Variants in C16orf96 observed in about 807,000 individuals in gnomAD.
C16orf96 encodes the protein chromosome 16 open reading frame 96.
In C16orf96, 108 loss-of-function variants were observed where a neutral mutation model predicts 103.6. That is an observed-to-expected ratio of 1.04 (90% CI 0.89 to 1.22). The LOEUF is 1.22. C16orf96 is among the 50% of genes most tolerant of loss of function. The probability of loss-of-function intolerance (pLI) is 0.00; values close to 1 mark genes in which losing one functional copy is unlikely to be tolerated. For missense variants in C16orf96, 1,586 were observed against 1,464.2 expected (o/e 1.08, Z -1.36); for synonymous variants, 566 against 593.5 (o/e 0.95, Z 0.67).
chr16:4,577,505 G>T (rs2059526636), intron 5 of C16orf96, among the ~76,000 whole-genome samples: 1 of 151,930 alleles, frequency 6.6e-6, no homozygotes, highest in Non-Finnish European at 1.5e-5. Context: ...AAAAAAATTA[G>T]CTGGGCATGG....
chr16:4,592,088 G>A (rs1006506832), intron 10 of C16orf96, among the ~76,000 whole-genome samples: 7 of 152,192 alleles, frequency 4.6e-5, no homozygotes, highest in African/African-American at 1.7e-4. Flanking sequence ...TGGGGCTCCT[G>A]TCCTCAGACC....
chr16:4,600,020 A>T, intron 15 of C16orf96, 80 bp from the exon 16 acceptor site: 1 of 1,330,912 alleles, frequency 7.5e-7, no homozygotes, highest in Non-Finnish European at 1.0e-6. Flanking sequence ...TCTTCTCTTT[A>T]GTGGGGATGG....
At chr16:4,541,379 A>G in the C16orf96 span, among the ~76,000 whole-genome samples, 1 of 152,198 alleles carries the variant, frequency 6.6e-6, no homozygotes, top group Non-Finnish European at 1.5e-5. Context: ...TCATTCATGG[A>G]CATAACGATC....
At chr16:4,556,084 A>G (rs1247857526), upstream of C16orf96, among the ~76,000 whole-genome samples, 2 of 152,106 alleles carry the variant, frequency 1.3e-5, no homozygotes, top group Non-Finnish European at 2.9e-5. Context: ...GATTCGAGAA[A>G]ATTCCAAGGA....
At position 4,576,267 on chromosome 16, in the gene C16orf96, T is replaced by A. The variant is rs1468499222; in HGVS notation, c.1787T>A (p.Val596Asp). The change falls in exon 5 of 16, where the codon GTC becomes GAC. Residue 596 changes from valine to aspartate, a missense_variant. Val to Asp is a radical substitution (Grantham distance 152). Transcript: ENST00000444310. Reference protein sequence around the residue: ...AQAAKVAAKFVKDAPATKMAA... With the variant: ...AQAAKVAAKFDKDAPATKMAA... ...GCAGCCAAAGTTGCTGCCAAGTTTG[T>A]CAAGGATGCCCCAGCCACCAAAATG... 4 of 1,550,622 alleles carry A rather than the reference T, an allele frequency of 2.6e-6. No homozygotes were observed. The highest frequency in any genetic ancestry group is 1.4e-5 in the African/African-American group (1 of 73,060).
chr16:4,596,596 C>T (rs1443187983), intron 14 of C16orf96, among the ~76,000 whole-genome samples: 2 of 151,972 alleles, frequency 1.3e-5, no homozygotes, highest in Non-Finnish European at 2.9e-5. Flanking sequence ...GCAGGAGGAT[C>T]GCTTGAGCCC....
rs1897137472 is a variant in C16orf96 at position 4,594,821 on chromosome 16, C to T, written c.3127+18C>T. ...GCTGGCAGGTGAGGGGCGTAGGGCT[C>T]CCTGGGGCACCCTTGCCTGGGGCCC... On this transcript the variant is annotated intron_variant, in intron 14 of 15. Coordinates refer to ENST00000444310, the MANE Select transcript of C16orf96 (RefSeq NM_001145011.2). 6.5e-7 allele frequency: 1 copy of T among 1,547,972 alleles called. No homozygotes were observed. The highest frequency in any genetic ancestry group is 8.7e-7 in the Non-Finnish European group (1 of 1,145,836).
At position 4,600,493 on chromosome 16, in the gene C16orf96, C is replaced by CT. The variant is rs1555441337; in HGVS notation, c.*176_*177insT. 2.3e-5 allele frequency: 11 copies of CT among 474,884 alleles called. 2 individuals are homozygous for CT. The highest frequency in any genetic ancestry group is 7.8e-5 in the East Asian group (2 of 25,702). The allele number at this position is 474,884 out of a possible 1,614,324, so 29.4% of individuals were successfully genotyped here. ...GTCCGAGGCTGAGGCTCATGCGCCC[C>CT]CCCCCATCCCTACCAAGTCCCCTCC... On this transcript the variant is annotated 3_prime_UTR_variant, in exon 16 of 16. Coordinates refer to ENST00000444310, the MANE Select transcript of C16orf96 (RefSeq NM_001145011.2).
chr16:4,576,463 A>G lies in C16orf96; in HGVS notation c.1983A>G (p.Pro661=), dbSNP rs1567447145. ...CTGCTGCCAGCATCGGTCCCGATCC[A>G]GCCCTGTCCCAGGCCATGGTGGCTA... The part of the protein sequence containing the change: ...SYSAASIGPD[P]ALSQAMVATK... Residue 661 remains proline (P), a synonymous_variant, in exon 5 of 16, where the codon CCA becomes CCG. Coordinates refer to ENST00000444310, the MANE Select transcript of C16orf96 (RefSeq NM_001145011.2). 1 of 1,551,462 alleles carries G rather than the reference A, an allele frequency of 6.4e-7. No individual in the cohort carries two copies. The highest frequency in any genetic ancestry group is 1.4e-5 in the African/African-American group (1 of 73,188).
At chr16:4,569,646 C>T (rs2059415757) in intron 1 of C16orf96, among the ~76,000 whole-genome samples, 1 of 149,418 alleles carries the variant, frequency 6.7e-6, no homozygotes, top group South Asian at 2.1e-4. Flanking sequence ...GTGGGAGAAT[C>T]ACTTGAACCC....
the C16orf96 span, among the ~76,000 whole-genome samples, chr16:4,549,502 A>C: frequency 6.6e-6 from 1 of 150,898 alleles, no homozygotes; most frequent in Non-Finnish European, 1.5e-5. Flanking sequence ...AACCAACCAG[A>C]ATACCAGCTG....
chr16:4,594,222 C>A, intron 12 of C16orf96, 129 bp from the exon 13 acceptor site: 1 of 1,097,440 alleles, frequency 9.1e-7, no homozygotes, highest in Non-Finnish European at 1.3e-6. Context: ...GCCTGCCTGG[C>A]TGTGCCAGCT....
intron 6 of C16orf96, 89 bp downstream of exon 6, chr16:4,579,114 G>A (rs2059550620): frequency 8.3e-7 from 1 of 1,203,946 alleles, no homozygotes; most frequent in South Asian, 1.4e-5. Flanking sequence ...CCTCCCAGGT[G>A]CAGCTGTGTT....
Position 4,575,491 on chromosome 16 carries a change from A to ACTGGAGCTGGGG in C16orf96, c.1022_1033dup (p.Gly341_Leu344dup). 1.9e-6 allele frequency: 3 copies of ACTGGAGCTGGGG among 1,547,546 alleles called. No homozygotes were observed. Among genetic ancestry groups the ACTGGAGCTGGGG allele is most frequent in the Non-Finnish European group, 2.6e-6 (3 of 1,146,674 alleles). On this transcript the variant is annotated inframe_insertion, in exon 5 of 16. Transcript: ENST00000444310. The stretch of plus-strand genomic sequence containing the variant: ...CACCTGGGACTGAACCTGTGCCAGG[A>ACTGGAGCTGGGG]CTGGAGCTGGGGCTGGAGCTGGAGC...
rs60143866 is a variant in C16orf96, at chr16:4,567,692, C to CTT, written c.421-3845_421-3844dup. Reference sequence around the variant, plus strand: ...AATTTTCAATAGTTTCTTCTGTTGCCTTTTTTTTTTTTTTTTTTTTTTTTT... The same window carrying CTT: ...AATTTTCAATAGTTTCTTCTGTTGCCTTTTTTTTTTTTTTTTTTTTTTTTTTT... On this transcript the variant is annotated intron_variant, in intron 1 of 15. Transcript: ENST00000444310. Among the ~76,000 whole-genome samples, 145 of 44,556 alleles carry CTT rather than the reference C, an allele frequency of 3.3e-3. 6 individuals carry two copies. The highest frequency in any genetic ancestry group is 0.011 in the African/African-American group (132 of 11,600). The allele number at this position is 44,556 out of a possible 152,430, so 29.2% of individuals were successfully genotyped here. A position where few individuals can be genotyped will look rare whatever the true frequency, so the allele number is the denominator to read the frequency against.
At chr16:4,543,345 G>A in the C16orf96 span, among the ~76,000 whole-genome samples, 7 of 152,130 alleles carry the variant, frequency 4.6e-5, no homozygotes, top group African/African-American at 1.4e-4. Context: ...TGAAAGAGGA[G>A]GGCAGAGGGT....
the C16orf96 span, among the ~76,000 whole-genome samples, chr16:4,547,746 G>A: frequency 1.8e-5 from 2 of 109,494 alleles, no homozygotes; most frequent in Non-Finnish European, 3.5e-5. Flanking sequence ...CTCCTTCCTT[G>A]CTTCCTTCCT....
chr16:4,592,333 T>C lies in C16orf96; in HGVS notation c.2740T>C (p.Ser914Pro). ...GCTGTTCAAGCGCGTGAAGTGCATC[T>C]CCTGTGACCGGCCTGTGGAGATGAT... ...RKLFKRVKCISCDRPVEMMTG... is the reference protein window; with the variant it reads ...RKLFKRVKCIPCDRPVEMMTG... Residue 914 changes from serine to proline, a missense_variant, in exon 11 of 16, where the codon TCC becomes CCC. Coordinates refer to ENST00000444310, the MANE Select transcript of C16orf96 (RefSeq NM_001145011.2). 6.4e-7 allele frequency: 1 copy of C among 1,551,694 alleles called. No individual in the cohort carries two copies. Among genetic ancestry groups the C allele is most frequent in the East Asian group, 2.4e-5 (1 of 40,918 alleles).
At position 4,582,285 on chromosome 16, in the gene C16orf96, AAAATAAATAAAT is replaced by A. The variant is rs140485410; in HGVS notation, c.2352+2191_2352+2202del. Among the ~76,000 whole-genome samples, 38 of 149,336 alleles carry A rather than the reference AAAATAAATAAAT, an allele frequency of 2.5e-4. No individual in the cohort carries two copies. In the East Asian group the frequency reaches 3.4e-3, roughly 13 times the overall value. On this transcript the variant is annotated intron_variant, in intron 7 of 15. Transcript: ENST00000444310. ...CGACAAGAGCAAGACTCAGTCTCAAAAAATAAATAAATAAATAAATAAATAAATAAATAAATA... is the reference window on the plus strand; with the variant it reads ...CGACAAGAGCAAGACTCAGTCTCAAAAAATAAATAAATAAATAAATAAATA...
Sources: allele counts gnomAD v4.1 joint callset (sites outside exome capture counted in the v4.1 genomes callset), GRCh38; gene constraint gnomAD v4.1.1; transcripts MANE v1.5; gene names NCBI Gene and HGNC (gene_info 2026-07-23, HGNC 2026-07-21).